The following RASEF variants were observed in gnomAD, a reference collection of about 807,000 sequenced individuals.
The protein encoded by RASEF is ras and EF-hand domain-containing protein.
Under a neutral mutation model 90.1 loss-of-function variants are expected in RASEF, and 68 were observed. That is an observed-to-expected ratio of 0.75 (90% confidence interval 0.62 to 0.92). The LOEUF (loss-of-function observed/expected upper bound fraction) is 0.92. Ranked by LOEUF, RASEF falls within the 40% of genes least tolerant of loss-of-function variation. RASEF has a pLI of 0.00. For synonymous variants in RASEF, 331 were observed against 345.2 expected (o/e 0.96, Z 0.46); for missense variants, 949 against 937.2 (o/e 1.01, Z -0.16).
chr9:83,089,550 G>C, the RASEF span, among the ~76,000 whole-genome samples: 1 of 152,136 alleles, frequency 6.6e-6, no homozygotes, highest in East Asian at 1.9e-4. Context: ...AGCTTTACCA[G>C]ATAGAGAAGT....
At chr9:83,158,154 G>T in the RASEF span, among the ~76,000 whole-genome samples, 2 of 152,028 alleles carry the variant, frequency 1.3e-5, no homozygotes, top group South Asian at 4.2e-4. Flanking sequence ...ATCTCAACAT[G>T]GTCAAACACT....
At chr9:83,112,151 G>A in the RASEF span, among the ~76,000 whole-genome samples, 1 of 151,958 alleles carries the variant, frequency 6.6e-6, no homozygotes, top group Non-Finnish European at 1.5e-5. Flanking sequence ...ATATAATAAT[G>A]TAATAATGCT....
At chr9:83,196,276 T>C in the RASEF span, among the ~76,000 whole-genome samples, 9 of 152,142 alleles carry the variant, frequency 5.9e-5, no homozygotes, top group African/African-American at 2.2e-4. Flanking sequence ...ACAGCAGAGT[T>C]AAGATAAATG....
the RASEF span, among the ~76,000 whole-genome samples, chr9:83,104,119 T>C: frequency 6.6e-6 from 1 of 152,142 alleles, no homozygotes. Flanking sequence ...GGTGTGAAAA[T>C]TTCTGTAAGA....
intron 1 of RASEF, among the ~76,000 whole-genome samples, chr9:83,046,343 T>C (rs1454131093): frequency 6.6e-6 from 1 of 152,208 alleles, no homozygotes; most frequent in East Asian, 1.9e-4. Context: ...AGTATTCTCA[T>C]TATAGAAGTA....
chr9:83,161,658 G>A, the RASEF span, among the ~76,000 whole-genome samples: 1 of 135,958 alleles, frequency 7.4e-6, no homozygotes, highest in Non-Finnish European at 1.6e-5. Context: ...TTTGAAATGT[G>A]AGGACATGAG....
chr9:83,175,200 A>C, the RASEF span, among the ~76,000 whole-genome samples: 6 of 152,182 alleles, frequency 3.9e-5, no homozygotes, highest in South Asian at 2.1e-4. Context: ...CCTAGGGGAA[A>C]CACTTCAGTC....
the RASEF span, among the ~76,000 whole-genome samples, chr9:83,128,254 G>C: frequency 2.6e-5 from 4 of 151,992 alleles, no homozygotes; most frequent in Non-Finnish European, 5.9e-5. Flanking sequence ...CAAACGCCTA[G>C]GCAGATGGGG....
At chr9:82,998,571 C>A in intron 12 of RASEF, 125 bp from the exon 13 acceptor site, 2 of 667,106 alleles carry the variant, frequency 3.0e-6, no homozygotes, top group Non-Finnish European at 5.4e-6. Flanking sequence ...GAGGAATGAA[C>A]ATGACCTTTA....
At chr9:83,081,367 T>C in the RASEF span, among the ~76,000 whole-genome samples, 416 of 152,360 alleles carry the variant, frequency 2.7e-3, 1 homozygote, top group Non-Finnish European at 4.2e-3. Flanking sequence ...TCATTCTTGA[T>C]AGTCTGTTAG....
At chr9:83,188,599 G>T in the RASEF span, among the ~76,000 whole-genome samples, 1 of 152,206 alleles carries the variant, frequency 6.6e-6, no homozygotes, top group Non-Finnish European at 1.5e-5. Flanking sequence ...GGCTAGTGCA[G>T]CAGGGAAAGA....
chr9:83,036,941 A>C (rs992191399), intron 1 of RASEF, among the ~76,000 whole-genome samples: 2 of 152,044 alleles, frequency 1.3e-5, no homozygotes, highest in African/African-American at 2.4e-5. Flanking sequence ...ACCATGGTGC[A>C]CCATGGTGCC....
At chr9:83,179,762 C>A in the RASEF span, among the ~76,000 whole-genome samples, 1 of 151,946 alleles carries the variant, frequency 6.6e-6, no homozygotes, top group South Asian at 2.1e-4. Context: ...AAAAGCAAGG[C>A]CTAGTGTGTA....
At chr9:83,078,295 A>G in the RASEF span, among the ~76,000 whole-genome samples, 1 of 152,234 alleles carries the variant, frequency 6.6e-6, no homozygotes, top group Non-Finnish European at 1.5e-5. Context: ...GTTAGGCTTC[A>G]TAAGTGACCT....
At chr9:83,065,670 C>T (rs1323157809), upstream of RASEF, among the ~76,000 whole-genome samples, 2 of 152,194 alleles carry the variant, frequency 1.3e-5, no homozygotes, top group Non-Finnish European at 2.9e-5. Context: ...AAGAGACAGC[C>T]TCTAATATAT....
At chr9:83,060,419 A>C (rs1156624248) in intron 1 of RASEF, among the ~76,000 whole-genome samples, 2 of 152,188 alleles carry the variant, frequency 1.3e-5, no homozygotes, top group Non-Finnish European at 2.9e-5. Flanking sequence ...TCTTCGATGA[A>C]GTTGCTGGAA....
chr9:83,205,704 T>C, the RASEF span, among the ~76,000 whole-genome samples: 2 of 152,228 alleles, frequency 1.3e-5, no homozygotes, highest in Non-Finnish European at 2.9e-5. Flanking sequence ...TGGTAGACCT[T>C]CAATACGTAA....
the RASEF span, among the ~76,000 whole-genome samples, chr9:83,084,840 A>G: frequency 6.6e-6 from 1 of 152,300 alleles, no homozygotes; most frequent in South Asian, 2.1e-4. Context: ...TCTTGAGGGA[A>G]GAACTTGTCT....
At chr9:83,078,674 AAAAG>A in the RASEF span, among the ~76,000 whole-genome samples, 1 of 151,780 alleles carries the variant, frequency 6.6e-6, no homozygotes, top group South Asian at 2.1e-4. Context: ...AAGAAAAAAA[AAAAG>A]AGAGAGAGAG....
Sources: allele counts gnomAD v4.1 joint callset (sites outside exome capture counted in the v4.1 genomes callset), GRCh38; gene constraint gnomAD v4.1.1; transcripts MANE v1.5; gene names NCBI Gene and HGNC (gene_info 2026-07-23, HGNC 2026-07-21).